The following UPK1B variants were observed in gnomAD, a reference collection of about 807,000 sequenced individuals.
UPK1B encodes the protein uroplakin 1B, also known as uroplakin-1b.
A neutral mutation model predicts 34.2 loss-of-function variants in UPK1B; 28 were observed. The ratio of observed to expected loss-of-function variants is 0.82; its 90% CI spans 0.61 to 1.12. The LOEUF (loss-of-function observed/expected upper bound fraction) is 1.12. Ranked by LOEUF, UPK1B falls within the 50% of genes most tolerant of loss-of-function variation. The pLI, the probability that UPK1B is intolerant of heterozygous loss-of-function variation, is 0.00. For synonymous variants in UPK1B, 81 were observed against 110.4 expected (o/e 0.73, Z 1.67); for missense variants, 325 against 320.9 (o/e 1.01, Z -0.10).
At chr3:119,195,129 T>A (rs2078060863) in intron 6 of UPK1B, among the ~76,000 whole-genome samples, 1 of 152,208 alleles carries the variant, frequency 6.6e-6, no homozygotes, top group African/African-American at 2.4e-5. Flanking sequence ...ACACAACTAG[T>A]AAATGTCCGT....
At chr3:119,197,462 C>T (rs1470361571) in intron 6 of UPK1B, among the ~76,000 whole-genome samples, 1 of 151,974 alleles carries the variant, frequency 6.6e-6, no homozygotes, top group Non-Finnish European at 1.5e-5. Flanking sequence ...CATAAGTGGG[C>T]CCTTATATAT....
chr3:119,179,805 CTTTTTTT>C lies in UPK1B; in HGVS notation c.-29+6198_-29+6204del, dbSNP rs869040325. On this transcript the variant is annotated intron_variant, in intron 1 of 7. Coordinates refer to ENST00000264234, the MANE Select transcript of UPK1B (RefSeq NM_006952.4). ...TACAGGCGTGAGCCACCACGCCCGG[CTTTTTTT>C]TTTTTTTTTTTTTTTTTTTTTTTTT... 1.3e-3 allele frequency among the ~76,000 whole-genome samples: 67 copies of C among 50,592 alleles called. 11 individuals are homozygous for C. The highest frequency in any genetic ancestry group is 4.6e-3 in the South Asian group (6 of 1,310). 33.2% of individuals were successfully genotyped at this position (50,592 alleles called of 152,430 possible). A position where few individuals can be genotyped will look rare whatever the true frequency, so the allele number is the denominator to read the frequency against.
chr3:119,176,626 C>A (rs2077958323), intron 1 of UPK1B, among the ~76,000 whole-genome samples: 1 of 152,140 alleles, frequency 6.6e-6, no homozygotes, highest in Non-Finnish European at 1.5e-5. Flanking sequence ...GAAAATATTT[C>A]GAGGTGAGTT....
At chr3:119,190,066 A>C (rs538197479) in intron 3 of UPK1B, among the ~76,000 whole-genome samples, 179 bp from the exon 4 acceptor site, 4 of 152,342 alleles carry the variant, frequency 2.6e-5, no homozygotes, top group East Asian at 1.9e-4. Context: ...AAAAGGAGAG[A>C]ATTGAGCTGA....
At chr3:119,184,757 C>G (rs929770672) in intron 1 of UPK1B, among the ~76,000 whole-genome samples, 1 of 152,070 alleles carries the variant, frequency 6.6e-6, no homozygotes, top group Non-Finnish European at 1.5e-5. Context: ...AAATAAACTT[C>G]TTGAAAGAAG....
chr3:119,203,340 CAAAAAAAAAAA>C (rs55752613), intron 7 of UPK1B, among the ~76,000 whole-genome samples: 5 of 62,024 alleles, frequency 8.1e-5, no homozygotes, highest in South Asian at 7.5e-4. Flanking sequence ...AACTCCGTCT[CAAAAAAAAAAA>C]AAAAAAAAAA....
intron 7 of UPK1B, among the ~76,000 whole-genome samples, chr3:119,201,223 T>C (rs183233262): frequency 4.4e-4 from 67 of 152,370 alleles, no homozygotes; most frequent in Non-Finnish European, 1.3e-4. Context: ...GTTATTCAGA[T>C]AGCCTTACAT....
chr3:119,184,064 G>C (rs1294674358), intron 1 of UPK1B, among the ~76,000 whole-genome samples: 1 of 152,118 alleles, frequency 6.6e-6, no homozygotes, highest in Non-Finnish European at 1.5e-5. Context: ...TCATGTCCTT[G>C]CCTAGGTTTC....
At chr3:119,178,089 G>C (rs1051694039) in intron 1 of UPK1B, among the ~76,000 whole-genome samples, 3 of 152,114 alleles carry the variant, frequency 2.0e-5, no homozygotes, top group African/African-American at 7.2e-5. Flanking sequence ...CAAAGGGTTG[G>C]GGGGGTGGGG....
At chr3:119,177,721 C>A (rs765977094) in intron 1 of UPK1B, among the ~76,000 whole-genome samples, 17 of 152,134 alleles carry the variant, frequency 1.1e-4, no homozygotes, top group Non-Finnish European at 2.1e-4. Flanking sequence ...GTTAAATTGG[C>A]TTTTTTGATG....
At chr3:119,189,394 C>T (rs2078034179) in intron 3 of UPK1B, among the ~76,000 whole-genome samples, 1 of 152,218 alleles carries the variant, frequency 6.6e-6, no homozygotes. Flanking sequence ...CCACAGTGCC[C>T]CTTCTCCCAA....
At chr3:119,200,352 C>T (rs2078085821) in intron 7 of UPK1B, among the ~76,000 whole-genome samples, 1 of 152,190 alleles carries the variant, frequency 6.6e-6, no homozygotes, top group Admixed American at 6.5e-5. Context: ...GCACCCAGCC[C>T]ACAAGTAGTA....
chr3:119,177,322 G>A (rs1044439611), intron 1 of UPK1B, among the ~76,000 whole-genome samples: 2 of 152,176 alleles, frequency 1.3e-5, no homozygotes, highest in Non-Finnish European at 2.9e-5. Context: ...TTAAAAAGAC[G>A]TAAAGGGAAG....
At chr3:119,196,052 C>G (rs2078066185) in intron 6 of UPK1B, among the ~76,000 whole-genome samples, 2 of 152,048 alleles carry the variant, frequency 1.3e-5, no homozygotes, top group African/African-American at 4.8e-5. Flanking sequence ...CACTACCTAC[C>G]AACTACAAAT....
chr3:119,187,736 C>T, intron 2 of UPK1B, 39 bp from the exon 3 acceptor site: 1 of 1,594,976 alleles, frequency 6.3e-7, no homozygotes, highest in Non-Finnish European at 8.6e-7. Flanking sequence ...TTTCCCAAAG[C>T]TGCACTCCTG....
At chr3:119,203,845 C>T (rs2078106440) in intron 7 of UPK1B, 72 bp from the exon 8 acceptor site, 12 of 1,486,446 alleles carry the variant, frequency 8.1e-6, no homozygotes, top group African/African-American at 1.4e-5. Context: ...AACCTAACAT[C>T]CACTTTTTCC....
chr3:119,203,114 G>A (rs924032614), intron 7 of UPK1B, among the ~76,000 whole-genome samples: 5 of 151,954 alleles, frequency 3.3e-5, no homozygotes, highest in South Asian at 2.1e-4. Flanking sequence ...AGGCCGAGAC[G>A]GGCAAATCAC....
At chr3:119,196,535 CT>C (rs34406185) in intron 6 of UPK1B, among the ~76,000 whole-genome samples, 48,621 of 106,968 alleles carry the variant, frequency 0.45, 8,582 homozygotes, top group Non-Finnish European at 0.46. Flanking sequence ...TTTTCTTTTT[CT>C]TTTTTTTTTT....
chr3:119,176,525 G>A (rs2107569900), intron 1 of UPK1B, among the ~76,000 whole-genome samples: 1 of 152,296 alleles, frequency 6.6e-6, no homozygotes, highest in African/African-American at 2.4e-5. Flanking sequence ...AACTCCCAGG[G>A]TATTGAGCAA....
Sources: gnomAD v4.1 joint callset for allele counts (sites outside exome capture counted in the v4.1 genomes callset) on GRCh38, gnomAD v4.1.1 for gene constraint, MANE v1.5 for transcripts, NCBI Gene and HGNC (gene_info 2026-07-23, HGNC 2026-07-21) for gene names.